PRKCA: variants seen among roughly 807,000 people sequenced by gnomAD.
The protein encoded by PRKCA is protein kinase C alpha, also known as protein kinase C alpha type.
In PRKCA, 27 loss-of-function variants were observed where a neutral mutation model predicts 87.0. That is an observed-to-expected ratio of 0.31 (90% confidence interval 0.23 to 0.43). PRKCA has a LOEUF of 0.43. Ranked by LOEUF, PRKCA falls within the 20% of genes least tolerant of loss-of-function variation. The pLI is 1.00. For synonymous variants in PRKCA, 329 were observed against 311.1 expected, an observed-to-expected ratio of 1.06 and a Z score of -0.61; for missense variants, 518 against 852.3, an observed-to-expected ratio of 0.61 and a Z score of 4.88.
intron 14 of PRKCA, among the ~76,000 whole-genome samples, chr17:66,785,213 C>T (rs533710662): frequency 4.6e-5 from 7 of 152,116 alleles, no homozygotes; most frequent in African/African-American, 9.6e-5. Context: ...GGTCAGGTCT[C>T]GGGTGTTGGA....
chr17:66,777,497 G>A (rs1037064408), intron 14 of PRKCA: 83 of 970,120 alleles, frequency 8.6e-5, no homozygotes, highest in Non-Finnish European at 9.4e-5. Context: ...AAGGCAGTTC[G>A]TACACAGTCA....
At chr17:66,371,619 G>C (rs1002948321) in intron 2 of PRKCA, among the ~76,000 whole-genome samples, 7 of 152,172 alleles carry the variant, frequency 4.6e-5, no homozygotes, top group African/African-American at 1.7e-4. Flanking sequence ...AGCCACACTG[G>C]ATGGCTATAA....
chr17:66,734,865 A>G (rs939267847), intron 9 of PRKCA, among the ~76,000 whole-genome samples: 1 of 147,182 alleles, frequency 6.8e-6, no homozygotes, highest in Admixed American at 6.9e-5. Flanking sequence ...CTTAAAAGCA[A>G]CTGCATCCAA....
intron 3 of PRKCA, among the ~76,000 whole-genome samples, chr17:66,611,379 T>C (rs1970359788): frequency 1.3e-5 from 2 of 152,216 alleles, no homozygotes; most frequent in Non-Finnish European, 2.9e-5. Context: ...TGGCAACCAC[T>C]AATCTACTTT....
At chr17:66,493,269 G>A (rs2078304369) in intron 2 of PRKCA, among the ~76,000 whole-genome samples, 1 of 150,354 alleles carries the variant, frequency 6.7e-6, no homozygotes, top group African/African-American at 2.5e-5. Flanking sequence ...GTATATATGT[G>A]TATATGTGTA....
At chr17:66,495,394 C>G (rs1222356569) in intron 2 of PRKCA, among the ~76,000 whole-genome samples, 1 of 152,118 alleles carries the variant, frequency 6.6e-6, no homozygotes, top group Admixed American at 6.5e-5. Context: ...GGAAGTCCTG[C>G]AACCCACATT....
At chr17:66,714,370 A>T (rs78821503) in intron 8 of PRKCA, among the ~76,000 whole-genome samples, 1 of 152,038 alleles carries the variant, frequency 6.6e-6, no homozygotes, top group Admixed American at 6.5e-5. Context: ...TTGTGCCCTC[A>T]GGCCTGTGCC....
At position 66,302,693 on chromosome 17, in the gene PRKCA, C is replaced by G; in HGVS notation, c.-159C>G. ...CCGCGCAGCACCAGCCCGACTCTCC[C>G]CGGCCCCCGCCGCGCCCCCTCGCCG... On this transcript the variant is annotated 5_prime_UTR_variant, in exon 1 of 17. Coordinates refer to ENST00000413366, the MANE Select transcript of PRKCA (RefSeq NM_002737.3). 1 of 286,100 alleles carries G rather than the reference C, an allele frequency of 3.5e-6. No individual in the cohort carries two copies. The highest frequency in any genetic ancestry group is 1.2e-4 in the South Asian group (1 of 8,232). The allele number at this position is 286,100 out of a possible 1,614,324, so 17.7% of individuals were successfully genotyped here. A position where few individuals can be genotyped will look rare whatever the true frequency, so the allele number is the denominator to read the frequency against.
intron 14 of PRKCA, chr17:66,777,817 ACT>A: frequency 1.0e-6 from 1 of 985,252 alleles, no homozygotes; most frequent in Middle Eastern, 5.2e-4. Context: ...ACGTGAGTAG[ACT>A]CTTGGCCAGC....
At chr17:66,734,564 G>T (rs576932066) in intron 9 of PRKCA, among the ~76,000 whole-genome samples, 40 of 152,280 alleles carry the variant, frequency 2.6e-4, no homozygotes, top group African/African-American at 9.6e-4. Flanking sequence ...CTTGGATTTG[G>T]TGCGTTTTGG....
At chr17:66,552,535 G>A (rs938877619) in intron 3 of PRKCA, among the ~76,000 whole-genome samples, 7 of 152,156 alleles carry the variant, frequency 4.6e-5, no homozygotes, top group South Asian at 2.1e-4. Context: ...TCAGTTCCTC[G>A]TTGACGTTAG....
chr17:66,602,905 T>G (rs968974802), intron 3 of PRKCA, among the ~76,000 whole-genome samples: 2 of 152,138 alleles, frequency 1.3e-5, no homozygotes, highest in Non-Finnish European at 2.9e-5. Context: ...TCCGGGGCGG[T>G]AACCGGGGAT....
At chr17:66,501,629 G>C (rs914508308) in intron 3 of PRKCA, among the ~76,000 whole-genome samples, 2 of 152,188 alleles carry the variant, frequency 1.3e-5, no homozygotes, top group Non-Finnish European at 2.9e-5. Context: ...ATTGGTGCAG[G>C]ATTTATGTTT....
chr17:66,595,463 C>CTTTTTTTTTTTTTTTTTTTTTTTT (rs374376124), intron 3 of PRKCA, among the ~76,000 whole-genome samples: 4 of 116,554 alleles, frequency 3.4e-5, no homozygotes, highest in East Asian at 4.5e-4. Context: ...TCTTTTCCTT[C>CTTTTTTTTTTTTTTTTTTTTTTTT]TTTTTTTTTT....
At chr17:66,763,905 G>A (rs890161631) in intron 13 of PRKCA, among the ~76,000 whole-genome samples, 2 of 152,150 alleles carry the variant, frequency 1.3e-5, no homozygotes, top group African/African-American at 4.8e-5. Flanking sequence ...AGTGAAGGAG[G>A]CATCTTGGCT....
intron 2 of PRKCA, among the ~76,000 whole-genome samples, chr17:66,371,838 G>A (rs1909126648): frequency 2.0e-5 from 3 of 152,174 alleles, no homozygotes; most frequent in Admixed American, 2.0e-4. Flanking sequence ...CCTTCAAAGT[G>A]GTTCTTTGGG....
chr17:66,312,225 T>G (rs1282008423), intron 2 of PRKCA, among the ~76,000 whole-genome samples: 1 of 152,180 alleles, frequency 6.6e-6, no homozygotes, highest in Non-Finnish European at 1.5e-5. Flanking sequence ...TAGGTGATCC[T>G]CCTGTTTCAG....
rs1338447996 is a variant in PRKCA at position 66,522,825 on chromosome 17, AAG to A, written c.288+26544_288+26545del. Among the ~76,000 whole-genome samples, 400 of 145,238 alleles carry A rather than the reference AAG, an allele frequency of 2.8e-3. 3 individuals are homozygous for A. The highest frequency in any genetic ancestry group is 9.5e-3 in the African/African-American group (373 of 39,462). On this transcript the variant is annotated intron_variant, in intron 3 of 16. Coordinates refer to ENST00000413366, the MANE Select transcript of PRKCA (RefSeq NM_002737.3). ...GTCGCTCACTAAAAAAAAAAAAAAG[AAG>A]AAGCCAGGCCCCAAAGGAAGAGGGC...
intron 2 of PRKCA, among the ~76,000 whole-genome samples, chr17:66,394,243 T>G (rs1910533748): frequency 6.6e-6 from 1 of 152,186 alleles, no homozygotes; most frequent in African/African-American, 2.4e-5. Flanking sequence ...ATGGCTAAGC[T>G]TAGCTGTCCC....
Sources: gnomAD v4.1 joint callset for allele counts (sites outside exome capture counted in the v4.1 genomes callset) on GRCh38, gnomAD v4.1.1 for gene constraint, MANE v1.5 for transcripts, NCBI Gene and HGNC (gene_info 2026-07-23, HGNC 2026-07-21) for gene names.